ANKS1B: variants seen among roughly 807,000 people sequenced by gnomAD.
ANKS1B encodes ankyrin repeat and sterile alpha motif domain containing 1B, also known as ankyrin repeat and sterile alpha motif domain-containing protein 1B.
ANKS1B carries 36 observed loss-of-function variants against 148.3 expected under a neutral mutation model. The observed-to-expected ratio is 0.24, with a 90% CI of 0.19 to 0.32. ANKS1B has a LOEUF of 0.32. Among genes scored for constraint, ANKS1B ranks in the 10% least tolerant of loss-of-function variants. The pLI is 1.00. For missense variants in ANKS1B, 1,157 were observed against 1,542.6 expected (o/e 0.75, Z 4.19); for synonymous variants, 542 against 560.8 (o/e 0.97, Z 0.47).
intron 10 of ANKS1B, among the ~76,000 whole-genome samples, chr12:99,463,647 A>T: frequency 6.6e-6 from 1 of 152,196 alleles, no homozygotes; most frequent in African/African-American, 2.4e-5. Flanking sequence ...TATCCTGTGC[A>T]TGGCTCGGAG....
At chr12:98,990,579 A>C (rs1176514938) in intron 17 of ANKS1B, among the ~76,000 whole-genome samples, 9 of 151,510 alleles carry the variant, frequency 5.9e-5, no homozygotes, top group Admixed American at 2.0e-4. Flanking sequence ...AAAAAAAAAA[A>C]CACTAAGTAA....
At chr12:98,967,825 C>T in intron 17 of ANKS1B, among the ~76,000 whole-genome samples, 1 of 151,140 alleles carries the variant, frequency 6.6e-6, no homozygotes, top group African/African-American at 2.4e-5. Context: ...TATCAAAATG[C>T]CTGGAAGCCT....
intron 10 of ANKS1B, among the ~76,000 whole-genome samples, chr12:99,448,770 A>G (rs945309525): frequency 3.9e-5 from 6 of 152,082 alleles, no homozygotes; most frequent in African/African-American, 1.4e-4. Flanking sequence ...GAAATCAAGA[A>G]TGACTCTAAG....
intron 14 of ANKS1B, among the ~76,000 whole-genome samples, chr12:99,193,725 T>C (rs1208136806): frequency 6.6e-6 from 1 of 150,516 alleles, no homozygotes; most frequent in African/African-American, 2.4e-5. Flanking sequence ...CTTCCTGGCC[T>C]CTCTACTCAG....
intron 10 of ANKS1B, among the ~76,000 whole-genome samples, chr12:99,486,505 GTATTT>G (rs2096491675): frequency 6.6e-6 from 1 of 150,818 alleles, no homozygotes; most frequent in Non-Finnish European, 1.5e-5. Context: ...TTTTTCCCCA[GTATTT>G]TATTTGCTGG....
chr12:99,441,436 C>A (rs1456485726), intron 11 of ANKS1B, among the ~76,000 whole-genome samples: 1 of 151,908 alleles, frequency 6.6e-6, no homozygotes, highest in Non-Finnish European at 1.5e-5. Context: ...ATATACTACT[C>A]CCTTTCTACA....
intron 1 of ANKS1B, among the ~76,000 whole-genome samples, chr12:99,946,605 T>C (rs2095068707): frequency 6.6e-6 from 1 of 152,136 alleles, no homozygotes; most frequent in African/African-American, 2.4e-5. Flanking sequence ...TATATGAAAT[T>C]TTGGGCAATG....
Position 99,897,583 on chromosome 12 carries a change from G to A in ANKS1B, c.135-72194C>T, listed in dbSNP as rs567017282. On this transcript the variant is annotated intron_variant, in intron 1 of 26. Transcript: ENST00000683438. ...TTCTATTTTTCCATTCACAGCTGCC[G>A]AGGAACAACTACACAGTCAGCAGCT... is the stretch of plus-strand genomic sequence containing the variant. 8.6e-5 allele frequency among the ~76,000 whole-genome samples: 13 copies of A among 151,080 alleles called. No individual in the cohort carries two copies. The South Asian group carries it at 1.3e-3, about 15-fold the overall frequency.
At chr12:99,532,158 T>C (rs534121265) in intron 9 of ANKS1B, among the ~76,000 whole-genome samples, 1 of 152,322 alleles carries the variant, frequency 6.6e-6, no homozygotes, top group South Asian at 2.1e-4. Context: ...TCTGTTTACT[T>C]TGTGGATTAT....
intron 12 of ANKS1B, among the ~76,000 whole-genome samples, chr12:99,340,510 C>A (rs2089726322): frequency 6.6e-6 from 1 of 151,832 alleles, no homozygotes; most frequent in South Asian, 2.1e-4. Context: ...CTTACACAAA[C>A]CTAGATGGTA....
intron 1 of ANKS1B, among the ~76,000 whole-genome samples, chr12:99,886,188 A>G (rs2092814245): frequency 6.6e-6 from 1 of 152,212 alleles, no homozygotes; most frequent in Non-Finnish European, 1.5e-5. Context: ...ATTCTTAAAT[A>G]ATGGCCATTC....
intron 25 of ANKS1B, among the ~76,000 whole-genome samples, chr12:98,757,364 T>C (rs1186371064): frequency 6.6e-6 from 1 of 152,222 alleles, no homozygotes; most frequent in African/African-American, 2.4e-5. Flanking sequence ...ACTTACAGAA[T>C]TGTGAACATA....
intron 16 of ANKS1B, among the ~76,000 whole-genome samples, chr12:99,059,720 A>G (rs2041684033): frequency 6.7e-6 from 1 of 149,112 alleles, no homozygotes; most frequent in African/African-American, 2.5e-5. Flanking sequence ...TCGTAAATTA[A>G]TTTTAAATTA....
chr12:99,029,111 A>C (rs748679084), intron 17 of ANKS1B, among the ~76,000 whole-genome samples: 7 of 152,214 alleles, frequency 4.6e-5, no homozygotes, highest in Non-Finnish European at 8.8e-5. Flanking sequence ...AAAGATGCAT[A>C]ATTATTTTTT....
chr12:99,131,959 T>C lies in ANKS1B; in HGVS notation c.2526+22330A>G, dbSNP rs528653614. ...AGTCCCTTTCTCCATCAGTCTCTGGTTGGTGTCTGATGCTCTGTTTTCTAG... is the reference window on the plus strand; with the variant it reads ...AGTCCCTTTCTCCATCAGTCTCTGGCTGGTGTCTGATGCTCTGTTTTCTAG... On this transcript the variant is annotated intron_variant, in intron 15 of 26. Transcript: ENST00000683438. 1.1e-4 allele frequency among the ~76,000 whole-genome samples: 16 copies of C among 152,126 alleles called. No individual in the cohort carries two copies. The South Asian group carries it at 3.3e-3, about 32-fold the overall frequency.
intron 14 of ANKS1B, among the ~76,000 whole-genome samples, chr12:99,211,792 C>G (rs2153912951): frequency 6.6e-6 from 1 of 152,254 alleles, no homozygotes; most frequent in East Asian, 1.9e-4. Flanking sequence ...GAATTATAGC[C>G]TGTGGCCAGA....
chr12:99,301,377 A>G (rs907057735), intron 12 of ANKS1B, among the ~76,000 whole-genome samples: 5 of 152,304 alleles, frequency 3.3e-5, no homozygotes, highest in Non-Finnish European at 7.4e-5. Context: ...AAAAAGAAAA[A>G]AACTTTGACA....
At chr12:98,956,591 AC>A (rs2099862519) in intron 17 of ANKS1B, among the ~76,000 whole-genome samples, 1 of 147,656 alleles carries the variant, frequency 6.8e-6, no homozygotes, top group Non-Finnish European at 1.5e-5. Context: ...AGATTATACT[AC>A]CTGTAGTTAG....
chr12:99,860,181 C>T (rs2089836915), intron 1 of ANKS1B, among the ~76,000 whole-genome samples: 3 of 152,152 alleles, frequency 2.0e-5, no homozygotes, highest in South Asian at 2.1e-4. Context: ...ATTTAGGACA[C>T]AGTGAAGACA....
Sources: gnomAD v4.1 joint callset for allele counts (sites outside exome capture counted in the v4.1 genomes callset) on GRCh38, gnomAD v4.1.1 for gene constraint, MANE v1.5 for transcripts, NCBI Gene and HGNC (gene_info 2026-07-23, HGNC 2026-07-21) for gene names.